The following GPM6A variants were observed in gnomAD, a reference collection of about 807,000 sequenced individuals.
GPM6A encodes glycoprotein M6A.
A neutral mutation model predicts 32.1 loss-of-function variants in GPM6A; 7 were observed. The observed-to-expected ratio is 0.22, with a 90% CI of 0.12 to 0.41. The LOEUF (loss-of-function observed/expected upper bound fraction) is 0.41. Ranked by LOEUF, GPM6A falls within the 10% of genes least tolerant of loss-of-function variation. GPM6A has a pLI of 1.00. For missense variants in GPM6A, 235 were observed against 347.2 expected (o/e 0.68, Z 2.57); for synonymous variants, 130 against 123.4 (o/e 1.05, Z -0.35).
chr4:175,947,220 A>T (rs2126362849), intron 1 of GPM6A, among the ~76,000 whole-genome samples: 1 of 151,970 alleles, frequency 6.6e-6, no homozygotes, highest in Non-Finnish European at 1.5e-5. Flanking sequence ...GAATTTCCTC[A>T]ATAATTCTGG....
At position 175,828,586 on chromosome 4, in the gene GPM6A, T is replaced by G. The variant is rs193041670; in HGVS notation, c.-22-16337A>C. 6.7e-3 allele frequency among the ~76,000 whole-genome samples: 1,015 copies of G among 152,106 alleles called. 10 individuals carry two copies. Among genetic ancestry groups the G allele is most frequent in the Middle Eastern group, 0.034 (10 of 294 alleles). On this transcript the variant is annotated intron_variant, in intron 1 of 7. Transcript: ENST00000280187. The stretch of plus-strand genomic sequence containing the variant: ...CTCTTTAATCCCCTAATGCAAAGAG[T>G]TTTTAATTAGGTTAATAAAATTAGC...
intron 5 of GPM6A, 139 bp from the exon 6 acceptor site, chr4:175,640,333 A>G (rs762725612): frequency 1.2e-4 from 78 of 677,066 alleles, no homozygotes; most frequent in Non-Finnish European, 6.1e-5. Context: ...ACCTGATTAA[A>G]ACAGATTATT....
intron 1 of GPM6A, among the ~76,000 whole-genome samples, chr4:175,730,421 T>G (rs563654591): frequency 4.0e-5 from 6 of 151,584 alleles, no homozygotes; most frequent in African/African-American, 1.5e-4. Flanking sequence ...TTTTGTATTT[T>G]TAGTATAGAC....
intron 1 of GPM6A, among the ~76,000 whole-genome samples, chr4:175,861,199 C>T (rs1736562852): frequency 6.6e-6 from 1 of 151,098 alleles, no homozygotes; most frequent in Non-Finnish European, 1.5e-5. Flanking sequence ...AATATTGGAG[C>T]TTGTATAAGG....
chr4:175,909,045 G>GC (rs1554000490), intron 1 of GPM6A, among the ~76,000 whole-genome samples: 5 of 93,540 alleles, frequency 5.3e-5, no homozygotes, highest in East Asian at 3.5e-4. Flanking sequence ...AAAAGGGCGG[G>GC]GGGGGGGCAA....
chr4:175,885,602 G>C (rs766084908), intron 1 of GPM6A, among the ~76,000 whole-genome samples: 8 of 152,178 alleles, frequency 5.3e-5, no homozygotes, highest in Non-Finnish European at 1.0e-4. Context: ...TTGAACTCCA[G>C]CCTAGGTGAC....
At chr4:175,823,252 A>G (rs1370562961) in intron 1 of GPM6A, among the ~76,000 whole-genome samples, 1 of 152,220 alleles carries the variant, frequency 6.6e-6, no homozygotes, top group Non-Finnish European at 1.5e-5. Context: ...TAGCCAACAC[A>G]TGTTAGCTTT....
In GPM6A at chr4:175,800,159, G is replaced by T. The variant is rs868010496; in HGVS notation, c.37+12032C>A. On this transcript the variant is annotated intron_variant, in intron 1 of 6. Coordinates refer to ENST00000393658, the MANE Select transcript of GPM6A (RefSeq NM_201591.3). The stretch of plus-strand genomic sequence containing the variant: ...AATAATTCCAATAACTGTATAATTT[G>T]TGGTTGAGGGCTTAATGTTGTGGTT... Among the ~76,000 whole-genome samples the T allele has an allele frequency of 9.9e-5, 15 of 152,206 alleles. No homozygotes were observed. The Middle Eastern group carries it at 0.01, about 104-fold the overall frequency.
intron 1 of GPM6A, among the ~76,000 whole-genome samples, chr4:175,892,987 T>C (rs908657619): frequency 6.6e-6 from 1 of 152,210 alleles, no homozygotes; most frequent in African/African-American, 2.4e-5. Flanking sequence ...CTGGTCCTGC[T>C]CCTGACCACT....
rs1744890166 is a variant in GPM6A, at chr4:175,701,691, C to T, written c.114G>A (p.Ala38=). ...ASLIATILLY[A]GVALFCGCGH... ...CGCAGCCACAGAACAGGGCAACACC[C>T]GCATAGAGCAGGATGGTGGCAATCA... The change falls in exon 2 of 7, where the codon GCG becomes GCA. Residue 38 remains alanine, a synonymous_variant. Coordinates refer to ENST00000393658, the MANE Select transcript of GPM6A (RefSeq NM_201591.3). 11 of 1,613,734 alleles carry T rather than the reference C, an allele frequency of 6.8e-6. No individual in the cohort carries two copies. In the East Asian group the frequency reaches 8.9e-5, roughly 13 times the overall value.
intron 1 of GPM6A, among the ~76,000 whole-genome samples, chr4:175,742,654 T>C (rs1731934791): frequency 1.3e-5 from 2 of 152,146 alleles, no homozygotes; most frequent in South Asian, 4.1e-4. Flanking sequence ...TTTCTTAGAA[T>C]AAATTTCCTG....
rs1409833033 is a variant in GPM6A at position 175,826,029 on chromosome 4, A to G, written c.-22-13780T>C. On this transcript the variant is annotated intron_variant, in intron 1 of 7. Transcript: ENST00000280187. ...ACCCCATCTCAAAAAATTAGAGGGC[A>G]TGGTGGAGTGAGCCTCTGGTCCCAG... Among the ~76,000 whole-genome samples, 8 of 152,178 alleles carry G rather than the reference A, an allele frequency of 5.3e-5. No individual in the cohort carries two copies. In the East Asian group the frequency reaches 1.6e-3, roughly 30 times the overall value.
intron 4 of GPM6A, among the ~76,000 whole-genome samples, chr4:175,646,486 T>C (rs1741469858): frequency 6.6e-6 from 1 of 152,222 alleles, no homozygotes; most frequent in Non-Finnish European, 1.5e-5. Flanking sequence ...CTTGGCTGTC[T>C]TCTCTAGAGA....
intron 1 of GPM6A, among the ~76,000 whole-genome samples, chr4:175,953,225 C>T (rs1739876142): frequency 6.6e-6 from 1 of 151,954 alleles, no homozygotes; most frequent in South Asian, 2.1e-4. Flanking sequence ...TCAAACTGTT[C>T]CAAGAATTTG....
At chr4:175,899,235 C>T (rs1737882188) in intron 1 of GPM6A, among the ~76,000 whole-genome samples, 1 of 152,062 alleles carries the variant, frequency 6.6e-6, no homozygotes, top group Admixed American at 6.6e-5. Context: ...CTCCTAGTCC[C>T]ATTAAGGCAG....
chr4:175,765,617 G>T (rs1021571352), intron 1 of GPM6A, among the ~76,000 whole-genome samples: 1 of 151,940 alleles, frequency 6.6e-6, no homozygotes, highest in Non-Finnish European at 1.5e-5. Flanking sequence ...TTAAATATTA[G>T]AATTTATTTC....
intron 1 of GPM6A, among the ~76,000 whole-genome samples, chr4:175,854,643 GC>G (rs2111408410): frequency 6.6e-6 from 1 of 152,284 alleles, no homozygotes; most frequent in South Asian, 2.1e-4. Flanking sequence ...AGGCAGTGGT[GC>G]AAAAAAGAAA....
chr4:175,903,910 C>T (rs1251072314), intron 1 of GPM6A, among the ~76,000 whole-genome samples: 1 of 152,052 alleles, frequency 6.6e-6, no homozygotes, highest in Non-Finnish European at 1.5e-5. Context: ...GTATCAATAT[C>T]ACACGCCAAA....
intron 1 of GPM6A, among the ~76,000 whole-genome samples, chr4:175,818,454 T>G (rs28660641): frequency 0.018 from 2,751 of 152,212 alleles, 80 homozygotes; most frequent in African/African-American, 0.061. Context: ...AATATATATA[T>G]AGAGAGAGAG....
Sources: gnomAD v4.1 joint callset for allele counts (sites outside exome capture counted in the v4.1 genomes callset) on GRCh38, gnomAD v4.1.1 for gene constraint, MANE v1.5 for transcripts, NCBI Gene and HGNC (gene_info 2026-07-23, HGNC 2026-07-21) for gene names.